Variants in CADM2 observed in about 807,000 individuals in gnomAD.
The protein encoded by CADM2 is immunoglobulin superfamily member 4D.
A neutral mutation model predicts 49.8 loss-of-function variants in CADM2; 12 were observed. The observed-to-expected ratio is 0.24, with a 90% CI of 0.15 to 0.39. The LOEUF (loss-of-function observed/expected upper bound fraction) is 0.39, where lower values mean the gene tolerates loss of function less well. Among genes scored for constraint, CADM2 ranks in the 10% least tolerant of loss-of-function variants. The pLI is 1.00. For missense variants in CADM2, 378 were observed against 492.3 expected (o/e 0.77, Z 2.20); for synonymous variants, 214 against 175.4 (o/e 1.22, Z -1.74).
At chr3:85,393,041 G>A (rs914884861) in intron 1 of CADM2, among the ~76,000 whole-genome samples, 2 of 150,794 alleles carry the variant, frequency 1.3e-5, no homozygotes, top group African/African-American at 4.9e-5. Flanking sequence ...GATGCAGTTT[G>A]CAGGATTAGT....
At chr3:85,790,794 G>T (rs1313620007) in intron 2 of CADM2, among the ~76,000 whole-genome samples, 1 of 152,128 alleles carries the variant, frequency 6.6e-6, no homozygotes, top group Non-Finnish European at 1.5e-5. Context: ...AGCCAGCTTT[G>T]TTTCTTCCCT....
intron 1 of CADM2, among the ~76,000 whole-genome samples, chr3:85,154,828 C>T (rs1369096456): frequency 6.7e-6 from 1 of 148,154 alleles, no homozygotes; most frequent in Non-Finnish European, 1.5e-5. Context: ...AATTTCATAT[C>T]CAGCCAAACT....
intron 8 of CADM2, among the ~76,000 whole-genome samples, chr3:85,991,208 C>T (rs184858970): frequency 2.0e-5 from 3 of 152,208 alleles, no homozygotes; most frequent in Non-Finnish European, 4.4e-5. Context: ...CTATGGCCAT[C>T]CTTTATTCAA....
intron 1 of CADM2, among the ~76,000 whole-genome samples, chr3:85,644,084 C>A (rs2064814119): frequency 6.6e-6 from 1 of 152,084 alleles, no homozygotes; most frequent in Non-Finnish European, 1.5e-5. Flanking sequence ...AACAGAATAT[C>A]ACAGGCTGAC....
At chr3:85,696,800 T>C (rs932640231) in intron 1 of CADM2, among the ~76,000 whole-genome samples, 6 of 152,052 alleles carry the variant, frequency 3.9e-5, no homozygotes, top group Admixed American at 3.3e-4. Context: ...ATTTTGTGTC[T>C]GTTAGTATTG....
Position 85,343,160 on chromosome 3 carries a change from A to G in CADM2, c.62-383362A>G, listed in dbSNP as rs140015612. On this transcript the variant is annotated intron_variant, in intron 1 of 9. Transcript: ENST00000383699. ...CAGGGATGCTGTTACACATTGCACG[A>G]TGTACAGCACAGCCTCCCACGAGAA... Among the ~76,000 whole-genome samples the G allele has an allele frequency of 3.5e-3, 535 of 152,292 alleles. 3 individuals carry two copies. The highest frequency in any genetic ancestry group is 5.6e-3 in the Non-Finnish European group (381 of 68,022).
At chr3:85,774,328 T>C (rs1392469369) in intron 2 of CADM2, among the ~76,000 whole-genome samples, 1 of 151,804 alleles carries the variant, frequency 6.6e-6, no homozygotes, top group Non-Finnish European at 1.5e-5. Context: ...CAGTATTATT[T>C]ATGGTAGAAT....
intron 1 of CADM2, among the ~76,000 whole-genome samples, chr3:85,246,189 C>G (rs370350068): frequency 6.6e-6 from 1 of 152,012 alleles, no homozygotes; most frequent in Non-Finnish European, 1.5e-5. Flanking sequence ...AGCAAACTAT[C>G]GCAAGAACAA....
chr3:85,328,619 T>C (rs2107139209), intron 1 of CADM2, among the ~76,000 whole-genome samples: 1 of 152,142 alleles, frequency 6.6e-6, no homozygotes, highest in East Asian at 1.9e-4. Flanking sequence ...TCCTCAAGAG[T>C]CAAAGACTCT....
chr3:86,052,249 G>A (rs1275401257), intron 8 of CADM2, among the ~76,000 whole-genome samples: 1 of 152,104 alleles, frequency 6.6e-6, no homozygotes, highest in Non-Finnish European at 1.5e-5. Flanking sequence ...CCTGTAAATT[G>A]TATTTGTATT....
At chr3:85,645,538 C>A (rs1445413124) in intron 1 of CADM2, among the ~76,000 whole-genome samples, 3 of 151,840 alleles carry the variant, frequency 2.0e-5, no homozygotes, top group Non-Finnish European at 4.4e-5. Context: ...TATGCTAGAA[C>A]TATATTAAAG....
intron 1 of CADM2, among the ~76,000 whole-genome samples, chr3:85,001,103 T>C (rs1576006913): frequency 6.6e-6 from 1 of 152,076 alleles, no homozygotes; most frequent in African/African-American, 2.4e-5. Flanking sequence ...AATTAACAAA[T>C]TGAAGTGAAT....
intron 3 of CADM2, among the ~76,000 whole-genome samples, chr3:85,875,101 TAGGA>T (rs2108364599): frequency 6.6e-6 from 1 of 152,278 alleles, no homozygotes; most frequent in East Asian, 1.9e-4. Flanking sequence ...GAATACCAAA[TAGGA>T]GCTCTGGAGC....
chr3:85,352,948 T>G (rs528981149), intron 1 of CADM2, among the ~76,000 whole-genome samples: 1 of 152,186 alleles, frequency 6.6e-6, no homozygotes, highest in Non-Finnish European at 1.5e-5. Context: ...TTAATACTAG[T>G]GAGTCCTTAA....
intron 1 of CADM2, among the ~76,000 whole-genome samples, chr3:85,338,697 A>C (rs1576374071): frequency 6.6e-6 from 1 of 151,620 alleles, no homozygotes; most frequent in East Asian, 1.9e-4. Flanking sequence ...TTGAACAAAA[A>C]CTGGTTTTTC....
intron 8 of CADM2, among the ~76,000 whole-genome samples, chr3:85,970,643 C>T (rs887290848): frequency 1.3e-5 from 2 of 151,362 alleles, no homozygotes; most frequent in African/African-American, 2.4e-5. Context: ...TTTGGATTCA[C>T]GTTATTACTT....
At chr3:85,637,736 A>ATAATTCAGTGAAT (rs2064559259) in intron 1 of CADM2, among the ~76,000 whole-genome samples, 1 of 152,096 alleles carries the variant, frequency 6.6e-6, no homozygotes, top group Admixed American at 6.6e-5. Context: ...AGAGCACCTA[A>ATAATTCAGTGAAT]TAAGTGAATG....
chr3:86,053,833 A>G (rs977416900), intron 8 of CADM2, among the ~76,000 whole-genome samples: 7 of 152,140 alleles, frequency 4.6e-5, no homozygotes, highest in African/African-American at 1.7e-4. Context: ...TAATAAATTT[A>G]ATAAAGTAAT....
At chr3:86,000,828 A>G (rs561650600) in intron 8 of CADM2, among the ~76,000 whole-genome samples, 1 of 152,240 alleles carries the variant, frequency 6.6e-6, no homozygotes, top group East Asian at 1.9e-4. Context: ...TAAGAATTTG[A>G]GTTTTTATCC....
Sources: allele counts gnomAD v4.1 joint callset (sites outside exome capture counted in the v4.1 genomes callset), GRCh38; gene constraint gnomAD v4.1.1; transcripts MANE v1.5; gene names NCBI Gene and HGNC (gene_info 2026-07-23, HGNC 2026-07-21).